Variants in CSMD1 observed in about 807,000 individuals in gnomAD.
CSMD1 encodes CUB and Sushi multiple domains 1.
A neutral mutation model predicts 417.5 loss-of-function variants in CSMD1; 213 were observed. That is an observed-to-expected ratio of 0.51 (90% CI 0.46 to 0.57). The LOEUF (loss-of-function observed/expected upper bound fraction) is 0.57, where lower values mean the gene tolerates loss of function less well. Ranked by LOEUF, CSMD1 falls within the 20% of genes least tolerant of loss-of-function variation. The probability of loss-of-function intolerance (pLI) is 0.00; values close to 1 mark genes in which losing one functional copy is unlikely to be tolerated. For missense variants in CSMD1, 6,923 were observed against 4,529.7 expected, an observed-to-expected ratio of 1.53 and a Z score of -15.17; for synonymous variants, 2,862 against 1,736.8, an observed-to-expected ratio of 1.65 and a Z score of -16.11.
chr8:4,941,548 A>G (rs1035536320), intron 1 of CSMD1, among the ~76,000 whole-genome samples: 3 of 151,490 alleles, frequency 2.0e-5, no homozygotes, highest in Admixed American at 1.3e-4. Context: ...GTCTTTGTCA[A>G]TTTTTTTCAT....
At chr8:4,442,396 C>T (rs369969399) in intron 2 of CSMD1, among the ~76,000 whole-genome samples, 14 of 152,276 alleles carry the variant, frequency 9.2e-5, no homozygotes, top group South Asian at 4.2e-4. Flanking sequence ...ACAAAGCCTA[C>T]GTTTCCAGTC....
intron 3 of CSMD1, among the ~76,000 whole-genome samples, chr8:4,308,547 T>C (rs1211066905): frequency 6.6e-6 from 1 of 152,226 alleles, no homozygotes; most frequent in Non-Finnish European, 1.5e-5. Context: ...AGTTGGACGT[T>C]GTCTTCGATA....
At chr8:4,978,254 A>AG (rs1268097662) in intron 1 of CSMD1, among the ~76,000 whole-genome samples, 3 of 152,158 alleles carry the variant, frequency 2.0e-5, no homozygotes, top group African/African-American at 7.2e-5. Flanking sequence ...AGGTGTTCAA[A>AG]GGGGGGACAG....
intron 3 of CSMD1, among the ~76,000 whole-genome samples, chr8:4,399,492 G>A (rs1483898053): frequency 6.6e-6 from 1 of 152,120 alleles, no homozygotes; most frequent in Non-Finnish European, 1.5e-5. Context: ...TCACGCTTAA[G>A]TTCAATGTCC....
chr8:4,581,768 C>T (rs370928385), intron 2 of CSMD1, among the ~76,000 whole-genome samples: 2 of 152,178 alleles, frequency 1.3e-5, no homozygotes, highest in African/African-American at 4.8e-5. Context: ...ACCATCTTGG[C>T]AGACAATTGC....
chr8:3,503,936 G>A (rs1018086754), intron 10 of CSMD1, among the ~76,000 whole-genome samples: 6 of 151,372 alleles, frequency 4.0e-5, no homozygotes, highest in African/African-American at 1.5e-4. Flanking sequence ...GTGAGAATAT[G>A]GAGGCGGGGG....
intron 2 of CSMD1, among the ~76,000 whole-genome samples, chr8:4,636,412 T>A (rs987179880): frequency 6.6e-6 from 1 of 152,204 alleles, no homozygotes; most frequent in Admixed American, 6.5e-5. Context: ...GATTGTACCA[T>A]TATTGTCTAA....
rs77797687 is a variant in CSMD1, at chr8:4,214,955, T to G, written c.416-182856A>C. 2.3e-3 allele frequency among the ~76,000 whole-genome samples: 348 copies of G among 152,296 alleles called. 11 individuals are homozygous for G. In the East Asian group the frequency reaches 0.059, roughly 26 times the overall value. ...TTTAATGAGCACAAACGAAGCTCAC[T>G]TCACGTGAGATACAGGCACAGCTTA... On this transcript the variant is annotated intron_variant, in intron 3 of 69. Coordinates refer to ENST00000635120, the MANE Select transcript of CSMD1 (RefSeq NM_033225.6).
At chr8:3,589,246 T>C (rs911677457) in intron 8 of CSMD1, among the ~76,000 whole-genome samples, 2 of 152,082 alleles carry the variant, frequency 1.3e-5, no homozygotes, top group Non-Finnish European at 2.9e-5. Context: ...ATCCTATATC[T>C]GAAGGAAATG....
At chr8:4,985,139 T>C (rs979740297) in intron 1 of CSMD1, among the ~76,000 whole-genome samples, 3 of 152,160 alleles carry the variant, frequency 2.0e-5, no homozygotes, top group Admixed American at 6.5e-5. Context: ...CTGTTCTCAC[T>C]TATAAGTGGG....
At chr8:4,717,214 G>A (rs1326898698) in intron 1 of CSMD1, among the ~76,000 whole-genome samples, 1 of 151,170 alleles carries the variant, frequency 6.6e-6, no homozygotes, top group Non-Finnish European at 1.5e-5. Context: ...GTATTAACAG[G>A]TTCCAAATAC....
chr8:3,438,231 T>G (rs2117048066), intron 12 of CSMD1, among the ~76,000 whole-genome samples: 1 of 152,294 alleles, frequency 6.6e-6, no homozygotes, highest in East Asian at 1.9e-4. Context: ...TAATACAAAG[T>G]TCTCATGTAA....
At chr8:3,954,364 A>T (rs1290407635) in intron 5 of CSMD1, among the ~76,000 whole-genome samples, 2 of 150,490 alleles carry the variant, frequency 1.3e-5, no homozygotes, top group African/African-American at 5.0e-5. Context: ...GGATCCTAGG[A>T]CTTTTTTTTC....
At chr8:3,342,382 C>T (rs156074) in intron 23 of CSMD1, among the ~76,000 whole-genome samples, 1 of 151,924 alleles carries the variant, frequency 6.6e-6, no homozygotes, top group Middle Eastern at 3.2e-3. Context: ...CTCAAAAACC[C>T]AAACTTTTAA....
At chr8:4,045,554 C>G (rs1798107030) in intron 3 of CSMD1, among the ~76,000 whole-genome samples, 1 of 152,052 alleles carries the variant, frequency 6.6e-6, no homozygotes, top group African/African-American at 2.4e-5. Context: ...TGTTACAGCT[C>G]AGAAAGAGGA....
intron 2 of CSMD1, among the ~76,000 whole-genome samples, chr8:4,468,881 G>A (rs1235811305): frequency 6.6e-6 from 1 of 152,068 alleles, no homozygotes; most frequent in African/African-American, 2.4e-5. Context: ...ACACTGCAAG[G>A]AATTTTAGAA....
chr8:4,484,513 T>G (rs997548226), intron 2 of CSMD1, among the ~76,000 whole-genome samples: 1 of 152,026 alleles, frequency 6.6e-6, no homozygotes, highest in African/African-American at 2.4e-5. Context: ...TAAGCAAGTT[T>G]GGTAAGTCCA....
At chr8:4,214,221 G>A (rs866891762) in intron 3 of CSMD1, among the ~76,000 whole-genome samples, 1 of 152,134 alleles carries the variant, frequency 6.6e-6, no homozygotes, top group Non-Finnish European at 1.5e-5. Flanking sequence ...TAAATGAATG[G>A]ACTAAAATGG....
intron 53 of CSMD1, 78 bp from the exon 54 acceptor site, chr8:2,998,262 A>G: frequency 7.0e-7 from 1 of 1,424,578 alleles, no homozygotes; most frequent in Admixed American, 1.7e-5. Context: ...AATAAGAAAC[A>G]TGCAGGCATG....
Sources: allele counts gnomAD v4.1 joint callset (sites outside exome capture counted in the v4.1 genomes callset), GRCh38; gene constraint gnomAD v4.1.1; transcripts MANE v1.5; gene names NCBI Gene and HGNC (gene_info 2026-07-23, HGNC 2026-07-21).